MBNL1: variants seen among roughly 807,000 people sequenced by gnomAD.
The protein encoded by MBNL1 is muscleblind-like protein 1.
A neutral mutation model predicts 42.2 loss-of-function variants in MBNL1; 8 were observed. The observed-to-expected ratio is 0.19, with a 90% CI of 0.11 to 0.34. The LOEUF (loss-of-function observed/expected upper bound fraction) is 0.34. Ranked by LOEUF, MBNL1 falls within the 10% of genes least tolerant of loss-of-function variation. MBNL1 has a pLI of 1.00. For missense variants in MBNL1, 309 were observed against 495.3 expected (o/e 0.62, Z 3.57); for synonymous variants, 169 against 173.9 (o/e 0.97, Z 0.22).
At chr3:152,457,991 A>ATATG in intron 8 of MBNL1, 2 of 635,408 alleles carry the variant, frequency 3.1e-6, no homozygotes, top group Non-Finnish European at 5.8e-6. Flanking sequence ...ATATACATAC[A>ATATG]TATGTATATG....
At chr3:152,342,694 A>C (rs2093556858) in intron 2 of MBNL1, among the ~76,000 whole-genome samples, 1 of 152,058 alleles carries the variant, frequency 6.6e-6, no homozygotes, top group Admixed American at 6.6e-5. Context: ...TAAGGATGTC[A>C]TGTATGTGCT....
At chr3:152,322,061 CA>C (rs1463616452) in intron 2 of MBNL1, among the ~76,000 whole-genome samples, 1 of 26,668 alleles carries the variant, frequency 3.7e-5, no homozygotes, top group Non-Finnish European at 5.8e-5. Context: ...ATAATGAAAA[CA>C]GAGTTTTTTT....
intron 2 of MBNL1, among the ~76,000 whole-genome samples, chr3:152,344,348 T>G (rs971892523): frequency 3.3e-5 from 5 of 152,094 alleles, no homozygotes; most frequent in African/African-American, 1.2e-4. Flanking sequence ...CCGTGTGTAC[T>G]AATGGGAGAT....
chr3:152,249,857 A>T (rs2149386608), intron 2 of MBNL1, among the ~76,000 whole-genome samples: 1 of 148,908 alleles, frequency 6.7e-6, no homozygotes, highest in East Asian at 2.0e-4. Flanking sequence ...TTTTCCTAGC[A>T]CCATTTATTA....
chr3:152,289,333 A>T (rs895266004), intron 1 of MBNL1, among the ~76,000 whole-genome samples: 1 of 152,122 alleles, frequency 6.6e-6, no homozygotes. Context: ...GATCATTAAT[A>T]TATTTTATAT....
chr3:152,340,856 C>T (rs2092996815), intron 2 of MBNL1: 1 of 1,613,608 alleles, frequency 6.2e-7, no homozygotes, highest in African/African-American at 1.3e-5. Flanking sequence ...GCTGCATAGA[C>T]AAAGCCAAGC....
chr3:152,329,628 A>G (rs1296351708), intron 2 of MBNL1, among the ~76,000 whole-genome samples: 1 of 149,718 alleles, frequency 6.7e-6, no homozygotes, highest in Non-Finnish European at 1.5e-5. Flanking sequence ...AGCCTGGGCA[A>G]TGAAACAAGA....
intron 2 of MBNL1, among the ~76,000 whole-genome samples, chr3:152,315,221 G>A (rs1193877496): frequency 6.6e-6 from 1 of 152,206 alleles, no homozygotes; most frequent in African/African-American, 2.4e-5. Context: ...CAAAAATGGT[G>A]CCGTAAGGCT....
At chr3:152,250,487 T>G (rs1410785605) in intron 2 of MBNL1, among the ~76,000 whole-genome samples, 1 of 152,186 alleles carries the variant, frequency 6.6e-6, no homozygotes, top group African/African-American at 2.4e-5. Context: ...GAGACTTTGC[T>G]GAAGTTGCTT....
Position 152,316,739 on chromosome 3 carries a change from C to T in MBNL1, c.174+16372C>T, listed in dbSNP as rs1234945263. On this transcript the variant is annotated intron_variant, in intron 2 of 9. Coordinates refer to ENST00000324210, the MANE Select transcript of MBNL1 (RefSeq NM_021038.5). ...ACATAGTATTTTTGCCATGACTTCT[C>T]AATCTATAGAGAAGATGTATTTATC... Among the ~76,000 whole-genome samples the T allele has an allele frequency of 2.0e-5, 3 of 152,178 alleles. No homozygotes were observed. In the East Asian group the frequency reaches 5.8e-4, roughly 29 times the overall value.
At chr3:152,421,280 AC>A (rs977026170) in intron 3 of MBNL1, among the ~76,000 whole-genome samples, 1 of 151,930 alleles carries the variant, frequency 6.6e-6, no homozygotes, top group African/African-American at 2.4e-5. Context: ...TTTTTTTCGT[AC>A]CCCAGTGGTG....
intron 1 of MBNL1, among the ~76,000 whole-genome samples, chr3:152,273,596 C>G (rs989258006): frequency 1.8e-4 from 27 of 152,170 alleles, no homozygotes; most frequent in African/African-American, 6.5e-4. Flanking sequence ...ATTATGTTCT[C>G]TAGGTTACTA....
intron 1 of MBNL1, among the ~76,000 whole-genome samples, chr3:152,285,698 A>G (rs952566513): frequency 1.4e-5 from 2 of 139,290 alleles, no homozygotes; most frequent in African/African-American, 5.5e-5. Flanking sequence ...GCATGATCTC[A>G]TCTTACTGTG....
chr3:152,426,093 C>G (rs2098926401), intron 3 of MBNL1, among the ~76,000 whole-genome samples: 1 of 151,180 alleles, frequency 6.6e-6, no homozygotes, highest in African/African-American at 2.4e-5. Context: ...AAACTAACAA[C>G]AGGAACAGAA....
intron 2 of MBNL1, among the ~76,000 whole-genome samples, chr3:152,383,322 C>G (rs1019053694): frequency 6.6e-6 from 1 of 152,002 alleles, no homozygotes; most frequent in African/African-American, 2.4e-5. Flanking sequence ...TATTCAAAAG[C>G]CCTGAAATGT....
intron 2 of MBNL1, chr3:152,340,984 T>A (rs2093045153): frequency 1.4e-6 from 2 of 1,475,040 alleles, no homozygotes; most frequent in South Asian, 1.5e-5. Flanking sequence ...CTGGGTAAAT[T>A]GATGAGGGGA....
At chr3:152,437,200 T>C in intron 4 of MBNL1, among the ~76,000 whole-genome samples, 2 of 152,210 alleles carry the variant, frequency 1.3e-5, no homozygotes, top group South Asian at 4.1e-4. Context: ...GAGTTCCTTC[T>C]GAGGTGAAAA....
chr3:152,405,921 A>G (rs1428683265), intron 2 of MBNL1, among the ~76,000 whole-genome samples: 1 of 152,220 alleles, frequency 6.6e-6, no homozygotes, highest in African/African-American at 2.4e-5. Context: ...AGCTACAAAC[A>G]GTTTAGAAAT....
At chr3:152,334,279 G>A (rs1170659333) in intron 2 of MBNL1, among the ~76,000 whole-genome samples, 4 of 152,126 alleles carry the variant, frequency 2.6e-5, no homozygotes, top group Admixed American at 6.6e-5. Context: ...AGAATAACCT[G>A]TTATTTTACT....
Sources: allele counts gnomAD v4.1 joint callset (sites outside exome capture counted in the v4.1 genomes callset), GRCh38; gene constraint gnomAD v4.1.1; transcripts MANE v1.5; gene names NCBI Gene and HGNC (gene_info 2026-07-23, HGNC 2026-07-21).